The following SRP19 variants were observed in gnomAD, a reference collection of about 807,000 sequenced individuals.
SRP19 encodes the protein signal recognition particle 19 kDa protein.
Under a neutral mutation model 22.4 loss-of-function variants are expected in SRP19, and 11 were observed. The ratio of observed to expected loss-of-function variants is 0.49; its 90% CI spans 0.31 to 0.81. SRP19 has a LOEUF of 0.81. SRP19 is among the 40% of genes least tolerant of loss of function. SRP19 has a pLI of 0.05. For missense variants in SRP19, 168 were observed against 175.9 expected, an observed-to-expected ratio of 0.96 and a Z score of 0.25; for synonymous variants, 61 against 57.6, an observed-to-expected ratio of 1.06 and a Z score of -0.27.
downstream of SRP19, among the ~76,000 whole-genome samples, chr5:112,873,622 C>G (rs150372207): frequency 1.3e-5 from 2 of 152,094 alleles, no homozygotes; most frequent in East Asian, 3.9e-4. Context: ...GCTGGGATTA[C>G]GGGCATGAGC....
Position 112,869,064 on chromosome 5 carries a change from CAAT to C in SRP19, c.*1530_*1532del, listed in dbSNP as rs1323409489. ...GGGTGTGTTTGGCTGTGTAACAAAACAATAAGGGGATGTGTTTGCTGTGTAACA... is the reference window on the plus strand; with the variant it reads ...GGGTGTGTTTGGCTGTGTAACAAAACAAGGGGATGTGTTTGCTGTGTAACA... On this transcript the variant is annotated 3_prime_UTR_variant, in exon 5 of 5. Coordinates refer to ENST00000505459, the MANE Select transcript of SRP19 (RefSeq NM_003135.3). 1 of 152,024 alleles carries C rather than the reference CAAT, an allele frequency of 6.6e-6. No homozygotes were observed. The highest frequency in any genetic ancestry group is 1.5e-5 in the Non-Finnish European group (1 of 67,996). 9.4% of individuals were successfully genotyped at this position (152,024 alleles called of 1,614,324 possible). A position where few individuals can be genotyped will look rare whatever the true frequency, so the allele number is the denominator to read the frequency against.
At chr5:112,886,145 C>T (rs2150036116) in intron 4 of SRP19, among the ~76,000 whole-genome samples, 1 of 152,334 alleles carries the variant, frequency 6.6e-6, no homozygotes, top group African/African-American at 2.4e-5. Flanking sequence ...GACTATTACA[C>T]TGCCTGGAGG....
chr5:112,877,081 T>C (rs1412753793), intron 4 of SRP19: 1 of 152,178 alleles, frequency 6.6e-6, no homozygotes, highest in Non-Finnish European at 1.5e-5. Flanking sequence ...AATCTAAAAG[T>C]TGATTTTCTC....
At chr5:112,879,727 T>C (rs1393065626) in intron 4 of SRP19, among the ~76,000 whole-genome samples, 2 of 152,114 alleles carry the variant, frequency 1.3e-5, no homozygotes, top group East Asian at 2.0e-4. Context: ...CTGCCCGCCT[T>C]GGCCTCCCAA....
intron 4 of SRP19, among the ~76,000 whole-genome samples, chr5:112,865,580 G>T (rs371396494): frequency 6.6e-6 from 1 of 150,844 alleles, no homozygotes; most frequent in Admixed American, 6.6e-5. Flanking sequence ...TAATGAAATC[G>T]TCAGACGAAC....
chr5:112,878,104 A>G (rs1041569922), intron 4 of SRP19: 1 of 152,234 alleles, frequency 6.6e-6, no homozygotes, highest in African/African-American at 2.4e-5. Context: ...TATGCCATAT[A>G]CTACGGAAAC....
At chr5:112,889,936 C>T (rs946229644) in intron 4 of SRP19, among the ~76,000 whole-genome samples, 1 of 149,998 alleles carries the variant, frequency 6.7e-6, no homozygotes, top group African/African-American at 2.5e-5. Flanking sequence ...AAGCGATTCT[C>T]CTGTCTCAGC....
intron 2 of SRP19, 134 bp from the exon 3 acceptor site, chr5:112,864,323 T>A: frequency 1.4e-6 from 1 of 702,344 alleles, no homozygotes; most frequent in Non-Finnish European, 2.4e-6. Context: ...AATAGAAGCA[T>A]CTGTACTTAA....
At chr5:112,874,640 C>G (rs1580721506), downstream of SRP19, among the ~76,000 whole-genome samples, 2 of 152,210 alleles carry the variant, frequency 1.3e-5, no homozygotes, top group South Asian at 4.1e-4. Context: ...CTGGACCCAA[C>G]ATTGCCCGGG....
chr5:112,887,009 T>C lies in SRP19; in HGVS notation c.302-4594T>C, dbSNP rs539036527. On this transcript the variant is annotated intron_variant, in intron 4 of 4. Transcript: ENST00000391338. ...CATGTGGGGCCATCTTGTTCCTGAG[T>C]CTTACCTTCTTTAGTGATGGCATCT... is the stretch of plus-strand genomic sequence containing the variant. 2.5e-4 allele frequency: 403 copies of C among 1,593,862 alleles called. 5 individuals carry two copies. The South Asian group carries it at 4.2e-3, about 16-fold the overall frequency.
chr5:112,888,991 T>C (rs1412387359), intron 4 of SRP19, among the ~76,000 whole-genome samples: 1 of 150,964 alleles, frequency 6.6e-6, no homozygotes, highest in Non-Finnish European at 1.5e-5. Context: ...GTGATAGTTT[T>C]ATAAGGAGTT....
At chr5:112,887,764 T>C (rs1007803487) in intron 4 of SRP19, among the ~76,000 whole-genome samples, 1 of 152,216 alleles carries the variant, frequency 6.6e-6, no homozygotes, top group Non-Finnish European at 1.5e-5. Context: ...CCTAACTCCT[T>C]CTTTACAGCT....
Position 112,869,521 on chromosome 5 carries a change from A to G in SRP19, c.*1984A>G, listed in dbSNP as rs1767708766. The G allele has an allele frequency of 6.6e-6, 1 of 152,314 alleles. No individual in the cohort carries two copies. Among genetic ancestry groups the G allele is most frequent in the Admixed American group, 6.5e-5 (1 of 15,290 alleles). The allele number at this position is 152,314 out of a possible 1,614,324, so 9.4% of individuals were successfully genotyped here. On this transcript the variant is annotated 3_prime_UTR_variant, in exon 5 of 5. Transcript: ENST00000505459. ...AATACATTCCAAGAGTGGATCCCTG[A>G]AACAGCAGATAGTACTGAACCCTAT...
downstream of SRP19, chr5:112,895,926 T>A (rs999707254): frequency 2.6e-5 from 4 of 152,188 alleles, no homozygotes; most frequent in African/African-American, 9.6e-5. Context: ...TTAACTGGAC[T>A]CTTGGCACTA....
At chr5:112,862,481 T>C (rs770550822) in intron 1 of SRP19, 27 bp from the exon 2 acceptor site, 2 of 1,604,910 alleles carry the variant, frequency 1.2e-6, no homozygotes. Context: ...GCTCTAGTGA[T>C]ACCACTTATG....
Position 112,867,632 on chromosome 5 carries a change from A to C in SRP19, c.*95A>C, listed in dbSNP as rs577685520. 1 of 1,406,082 alleles carries C rather than the reference A, an allele frequency of 7.1e-7. No homozygotes were observed. Among genetic ancestry groups the C allele is most frequent in the African/African-American group, 1.4e-5 (1 of 69,676 alleles). The allele number at this position is 1,406,082 out of a possible 1,614,324, so 87.1% of individuals were successfully genotyped here. A position where few individuals can be genotyped will look rare whatever the true frequency, so the allele number is the denominator to read the frequency against. On this transcript the variant is annotated 3_prime_UTR_variant, in exon 5 of 5. Coordinates refer to ENST00000505459, the MANE Select transcript of SRP19 (RefSeq NM_003135.3). ...AGGGAAACAGAAGCTTTTTGTTTGC[A>C]TCATTTAACTGAACTGTGAACCCTT...
chr5:112,863,597 A>G (rs1253182940), intron 2 of SRP19, among the ~76,000 whole-genome samples: 1 of 152,184 alleles, frequency 6.6e-6, no homozygotes, highest in Non-Finnish European at 1.5e-5. Flanking sequence ...TCCCTGCTCA[A>G]AACTACTGCC....
At chr5:112,882,338 GT>G (rs1482215880) in intron 4 of SRP19, among the ~76,000 whole-genome samples, 1 of 152,108 alleles carries the variant, frequency 6.6e-6, no homozygotes, top group Non-Finnish European at 1.5e-5. Context: ...TGATGATGGA[GT>G]ATTCCCGCTA....
intron 4 of SRP19, among the ~76,000 whole-genome samples, chr5:112,866,806 A>T (rs1169476865): frequency 1.3e-5 from 2 of 152,240 alleles, no homozygotes; most frequent in Admixed American, 6.5e-5. Flanking sequence ...TAACTAGTAG[A>T]TAAAATAGGG....
Sources: gnomAD v4.1 joint callset for allele counts (sites outside exome capture counted in the v4.1 genomes callset) on GRCh38, gnomAD v4.1.1 for gene constraint, MANE v1.5 for transcripts, NCBI Gene and HGNC (gene_info 2026-07-23, HGNC 2026-07-21) for gene names.